The following R3HCC1 variants were observed in gnomAD, a reference collection of about 807,000 sequenced individuals.
R3HCC1 encodes the protein R3H domain and coiled-coil containing 1.
R3HCC1 carries 32 observed loss-of-function variants against 40.0 expected under a neutral mutation model. The ratio of observed to expected loss-of-function variants is 0.80; its 90% CI spans 0.60 to 1.07. The LOEUF (loss-of-function observed/expected upper bound fraction) is 1.07. Ranked by LOEUF, R3HCC1 falls within the 50% of genes least tolerant of loss-of-function variation. The pLI is 0.00. For synonymous variants in R3HCC1, 237 were observed against 232.8 expected, an observed-to-expected ratio of 1.02 and a Z score of -0.17; for missense variants, 586 against 563.3, an observed-to-expected ratio of 1.04 and a Z score of -0.41.
rs1487537064 is a variant in R3HCC1, at chr8:23,293,194, A to AG, written c.1026-107dup. 4 of 811,488 alleles carry AG rather than the reference A, an allele frequency of 4.9e-6. No homozygotes were observed. In the African/African-American group the frequency reaches 5.1e-5, roughly 10 times the overall value. The allele number at this position is 811,488 out of a possible 1,614,324, so 50.3% of individuals were successfully genotyped here. On this transcript the variant is annotated intron_variant, in intron 5 of 7. Transcript: ENST00000265806. ...CCCAGAAGAGATGGGACCTTGCCTC[A>AG]GGCTGGTGGCATCTGCGGGCTGGAG...
rs61748707 is a variant in R3HCC1, at chr8:23,290,097, G to T, written c.480G>T (p.Glu160Asp). 1,101 of 1,550,652 alleles carry T rather than the reference G, an allele frequency of 7.1e-4. 8 individuals are homozygous for T. The African/African-American group carries it at 0.011, about 16-fold the overall frequency. ...CCTCTACCTCGGTGCTCAAGAGAGAGGCCCCAGCTGGCAGGGACCCAGAAG... is the reference window on the plus strand; with the variant it reads ...CCTCTACCTCGGTGCTCAAGAGAGATGCCCCAGCTGGCAGGGACCCAGAAG... The change falls in exon 4 of 8, where the codon GAG (glutamate) becomes GAT (aspartate). Residue 160 changes from glutamate to aspartate, a missense_variant. Physicochemically the swap from Glu to Asp is conservative, Grantham distance 45. Transcript: ENST00000265806.
intron 6 of R3HCC1, among the ~76,000 whole-genome samples, chr8:23,293,715 T>A (rs991301770): frequency 6.6e-6 from 1 of 152,222 alleles, no homozygotes; most frequent in Non-Finnish European, 1.5e-5. Context: ...CCAAAAGCAT[T>A]TGAATTCTGG....
chr8:23,292,731 A>AG (rs1563179852), intron 5 of R3HCC1, among the ~76,000 whole-genome samples: 2 of 152,314 alleles, frequency 1.3e-5, no homozygotes, highest in East Asian at 1.9e-4. Flanking sequence ...AGGGGTGGCT[A>AG]GGGGCAACAC....
chr8:23,290,364 G>A lies in R3HCC1; in HGVS notation c.747G>A (p.Leu249=), dbSNP rs1412424744. Reference sequence around the variant, plus strand: ...ACCTGGAAAAGGGGAAGGAGAGTCTGTTGGAGAAGAGGCTGGTGGCAGAGG... The same window carrying A: ...ACCTGGAAAAGGGGAAGGAGAGTCTATTGGAGAAGAGGCTGGTGGCAGAGG... Residue 249 remains leucine (L), a synonymous_variant, in exon 4 of 8, where the codon CTG becomes CTA. Coordinates refer to ENST00000265806, the MANE Select transcript of R3HCC1 (RefSeq NM_001136108.3). 1 of 1,551,918 alleles carries A rather than the reference G, an allele frequency of 6.4e-7. No homozygotes were observed. The highest frequency in any genetic ancestry group is 2.4e-5 in the East Asian group (1 of 40,928).
At chr8:23,295,383 C>T (rs369350259) in intron 7 of R3HCC1, 53 of 437,020 alleles carry the variant, frequency 1.2e-4, no homozygotes, top group African/African-American at 1.0e-3. Context: ...CCTGGCATAC[C>T]TGCCTGGAGC....
Position 23,290,340 on chromosome 8 carries a change from C to G in R3HCC1, c.723C>G (p.Asp241Glu), listed in dbSNP as rs1417043982. Residue 241 changes from aspartate to glutamate, a missense_variant, in exon 4 of 8, where the codon GAC becomes GAG. Asp to Glu is a conservative substitution (Grantham distance 45, BLOSUM62 2). Transcript: ENST00000265806. Reference sequence around the variant, plus strand: ...GGTTTGGGTCCACCCTGCAGCTAGACCTGGAAAAGGGGAAGGAGAGTCTGT... The same window carrying G: ...GGTTTGGGTCCACCCTGCAGCTAGAGCTGGAAAAGGGGAAGGAGAGTCTGT... The G allele has an allele frequency of 2.6e-6, 4 of 1,551,564 alleles. No homozygotes were observed. The Admixed American group carries it at 7.8e-5, about 30-fold the overall frequency.
rs147417614 is a variant in R3HCC1 at position 23,294,870 on chromosome 8, G to T, written c.1192+6G>T. The T allele has an allele frequency of 2.8e-4, 430 of 1,543,516 alleles. 1 individual carries two copies. The African/African-American group carries it at 5.3e-3, about 19-fold the overall frequency. On this transcript the variant is annotated splice_donor_region_variant and intron_variant, in intron 7 of 7. Transcript: ENST00000265806. ...CAAAGCCTTGCAGAGGCCAAGTAAG[G>T]AAAGCGCATGTCCCTGAATAGGGAG...
At chr8:23,295,855 A>G in intron 7 of R3HCC1, 112 bp from the exon 8 acceptor site, 1 of 1,372,490 alleles carries the variant, frequency 7.3e-7, no homozygotes, top group Non-Finnish European at 9.7e-7. Context: ...CCGAGGCCCC[A>G]CATGTGTCAC....
chr8:23,291,669 C>T (rs1802869990), intron 5 of R3HCC1, 136 bp downstream of exon 5: 1 of 1,383,948 alleles, frequency 7.2e-7, no homozygotes, highest in South Asian at 1.4e-5. Context: ...GTTGCCTGGG[C>T]TCTGTATTCC....
chr8:23,295,571 C>T (rs897836333), intron 7 of R3HCC1: 16 of 463,160 alleles, frequency 3.5e-5, no homozygotes, highest in South Asian at 7.9e-5. Context: ...TGGGTGGTTA[C>T]GTAGCCAACA....
intron 5 of R3HCC1, among the ~76,000 whole-genome samples, chr8:23,292,333 G>A (rs978565839): frequency 3.3e-5 from 5 of 152,110 alleles, no homozygotes; most frequent in Non-Finnish European, 7.4e-5. Context: ...GGCTGGGCAC[G>A]GTGGCTCACG....
chr8:23,296,224 T>G lies in R3HCC1; in HGVS notation c.*127T>G. On this transcript the variant is annotated 3_prime_UTR_variant, in exon 8 of 8. Coordinates refer to ENST00000265806, the MANE Select transcript of R3HCC1 (RefSeq NM_001136108.3). The stretch of plus-strand genomic sequence containing the variant: ...AGCTTCACCATGGGGTGTGGTGGGC[T>G]TTAGTTTAGTCCCAGAAATGGAGAA... 9.0e-7 allele frequency: 1 copy of G among 1,107,902 alleles called. No homozygotes were observed. The highest frequency in any genetic ancestry group is 1.6e-5 in the African/African-American group (1 of 62,980). The allele number at this position is 1,107,902 out of a possible 1,614,324, so 68.6% of individuals were successfully genotyped here. A position where few individuals can be genotyped will look rare whatever the true frequency, so the allele number is the denominator to read the frequency against.
intron 3 of R3HCC1, among the ~76,000 whole-genome samples, chr8:23,289,426 C>T (rs563416106): frequency 1.3e-5 from 2 of 152,282 alleles, no homozygotes; most frequent in East Asian, 3.9e-4. Context: ...GGCGGGGGGC[C>T]TCCCTAGCAT....
intron 6 of R3HCC1, 31 bp from the exon 7 acceptor site, chr8:23,294,738 G>A: frequency 1.3e-6 from 2 of 1,518,612 alleles, no homozygotes; most frequent in Non-Finnish European, 1.8e-6. Flanking sequence ...GAGGAGGAGG[G>A]AGTGGCTCCA....
chr8:23,290,587 C>CT, intron 4 of R3HCC1, 118 bp downstream of exon 4: 2 of 1,240,896 alleles, frequency 1.6e-6, no homozygotes, highest in Admixed American at 2.8e-5. Flanking sequence ...GGAGGTAGGG[C>CT]TGGGTGTTGG....
intron 4 of R3HCC1, 155 bp from the exon 5 acceptor site, chr8:23,291,206 C>T (rs746964676): frequency 1.5e-5 from 16 of 1,071,666 alleles, no homozygotes; most frequent in South Asian, 3.5e-5. Context: ...TGCGTCTTGA[C>T]GTCTTGACCT....
In R3HCC1 at chr8:23,290,677, C is replaced by T. The variant is rs564737379; in HGVS notation, c.852+208C>T. On this transcript the variant is annotated intron_variant, in intron 4 of 7. Transcript: ENST00000265806. ...CCCAGCCATGTAGGAGCTGCTTGAC[C>T]CTGGGCAAGTTATTTTGTTTGGCTG... Among the ~76,000 whole-genome samples, 4 of 152,168 alleles carry T rather than the reference C, an allele frequency of 2.6e-5. No homozygotes were observed. In the South Asian group the frequency reaches 8.3e-4, roughly 32 times the overall value.
intron 5 of R3HCC1, 30 bp downstream of exon 5, chr8:23,291,563 C>T: frequency 6.5e-7 from 1 of 1,548,892 alleles, no homozygotes; most frequent in South Asian, 1.2e-5. Context: ...GTGCTGCCTT[C>T]AGAGAGGAGC....
intron 5 of R3HCC1, 121 bp from the exon 6 acceptor site, chr8:23,293,182 G>C: frequency 2.8e-6 from 2 of 721,468 alleles, no homozygotes; most frequent in Non-Finnish European, 4.7e-6. Flanking sequence ...AGAAGAGATG[G>C]GACCTTGCCT....
Sources: gnomAD v4.1 joint callset for allele counts (sites outside exome capture counted in the v4.1 genomes callset) on GRCh38, gnomAD v4.1.1 for gene constraint, MANE v1.5 for transcripts, NCBI Gene and HGNC (gene_info 2026-07-23, HGNC 2026-07-21) for gene names.